Variants in TTC17 observed in about 807,000 individuals in gnomAD.
TTC17 encodes the protein tetratricopeptide repeat protein 17.
In TTC17, 58 loss-of-function variants were observed where a neutral mutation model predicts 143.8. The observed-to-expected ratio is 0.40, with a 90% confidence interval of 0.33 to 0.50. The LOEUF is 0.50. TTC17 is among the 20% of genes least tolerant of loss of function. The pLI is 0.49. For synonymous variants in TTC17, 501 were observed against 497.8 expected, an observed-to-expected ratio of 1.01 and a Z score of -0.09; for missense variants, 1,273 against 1,392.5, an observed-to-expected ratio of 0.91 and a Z score of 1.37.
chr11:43,491,825 A>G, intron 22 of TTC17, 195 bp from the exon 23 acceptor site: 1 of 629,008 alleles, frequency 1.6e-6, no homozygotes, highest in Non-Finnish European at 2.7e-6. Flanking sequence ...CCAATGAAAG[A>G]AGTAATTGAT....
chr11:43,398,197 T>C, intron 8 of TTC17, 84 bp downstream of exon 8: 1 of 1,515,084 alleles, frequency 6.6e-7, no homozygotes, highest in Admixed American at 2.0e-5. Context: ...AGTGTTAATT[T>C]GGTAACTGGA....
At chr11:43,363,718 A>G (rs1856209591) in intron 1 of TTC17, among the ~76,000 whole-genome samples, 1 of 152,242 alleles carries the variant, frequency 6.6e-6, no homozygotes, top group African/African-American at 2.4e-5. Context: ...AAGTCGTGTA[A>G]CTAATGTGTG....
intron 3 of TTC17, among the ~76,000 whole-genome samples, chr11:43,390,077 C>A (rs891078043): frequency 6.6e-6 from 1 of 152,098 alleles, no homozygotes. Flanking sequence ...GAGGCCAAGG[C>A]GGGAAGATTG....
chr11:43,400,098 A>G (rs1294221358), intron 9 of TTC17, 50 bp downstream of exon 9: 1 of 1,572,348 alleles, frequency 6.4e-7, no homozygotes, highest in South Asian at 1.2e-5. Flanking sequence ...ATTCACTTTT[A>G]GCATGCTTTA....
rs1271741362 is a variant in TTC17, at chr11:43,359,625, T to C, written c.159+512T>C. Among the ~76,000 whole-genome samples the C allele has an allele frequency of 2.0e-5, 3 of 152,156 alleles. No individual in the cohort carries two copies. In the East Asian group the frequency reaches 5.8e-4, roughly 29 times the overall value. On this transcript the variant is annotated intron_variant, in intron 1 of 23. Transcript: ENST00000039989. ...ACCACATGGTGGATTTCGTTTCTGG[T>C]TGTGTTGGTTTCAGCTTGTACCGTT...
intron 21 of TTC17, among the ~76,000 whole-genome samples, chr11:43,467,874 C>CAA (rs749942466): frequency 1.0e-4 from 13 of 128,980 alleles, no homozygotes; most frequent in Admixed American, 4.5e-4. Context: ...GGGACACATC[C>CAA]AAAAAAAAAA....
chr11:43,435,336 A>G (rs1332636399), intron 16 of TTC17: 2 of 152,212 alleles, frequency 1.3e-5, no homozygotes, highest in East Asian at 1.9e-4. Context: ...TCAGCTTGCC[A>G]GATCAGCTAG....
At chr11:43,400,099 G>A in intron 9 of TTC17, 51 bp downstream of exon 9, 1 of 1,571,340 alleles carries the variant, frequency 6.4e-7, no homozygotes, top group Non-Finnish European at 8.6e-7. Flanking sequence ...TTCACTTTTA[G>A]CATGCTTTAC....
intron 16 of TTC17, among the ~76,000 whole-genome samples, chr11:43,426,206 C>A (rs1947023996): frequency 6.6e-6 from 1 of 152,188 alleles, no homozygotes; most frequent in Admixed American, 6.5e-5. Flanking sequence ...AATCAATTCA[C>A]CACCCCTCTC....
In TTC17 at chr11:43,447,740, T is replaced by C. The variant is rs546202693; in HGVS notation, c.2666-262T>C. On this transcript the variant is annotated intron_variant, in intron 18 of 23. Transcript: ENST00000039989. The stretch of plus-strand genomic sequence containing the variant: ...CATTGAAGAATGCCTTAACCCCTTA[T>C]TTCATGTTGATCAATCTTAAATCTA... 4.0e-4 allele frequency: 141 copies of C among 348,538 alleles called. No homozygotes were observed. The South Asian group carries it at 0.011, about 27-fold the overall frequency. The allele number at this position is 348,538 out of a possible 1,614,324, so 21.6% of individuals were successfully genotyped here.
intron 16 of TTC17, among the ~76,000 whole-genome samples, chr11:43,415,596 C>T (rs1946761147): frequency 6.6e-6 from 1 of 152,082 alleles, no homozygotes; most frequent in South Asian, 2.1e-4. Context: ...AGCTCCTTCA[C>T]TTTTGATATT....
At chr11:43,443,641 T>G in intron 17 of TTC17, 57 bp downstream of exon 17, 1 of 1,547,730 alleles carries the variant, frequency 6.5e-7, no homozygotes, top group African/African-American at 1.4e-5. Flanking sequence ...CAGGGGATCC[T>G]AATATGCAAA....
chr11:43,429,382 G>C (rs550320416), intron 16 of TTC17, among the ~76,000 whole-genome samples: 1 of 152,178 alleles, frequency 6.6e-6, no homozygotes, highest in Non-Finnish European at 1.5e-5. Context: ...ACAACCTCTG[G>C]AGGTGAAAAT....
At position 43,406,639 on chromosome 11, in the gene TTC17, C is replaced by A. The variant is rs145139101; in HGVS notation, c.1762-499C>A. 2.5e-3 allele frequency among the ~76,000 whole-genome samples: 380 copies of A among 151,544 alleles called. 1 individual carries two copies. The highest frequency in any genetic ancestry group is 0.024 in the Middle Eastern group (7 of 292). The stretch of plus-strand genomic sequence containing the variant: ...TATATTCAATAGACATTTCCTTAGG[C>A]AAAAAACATTATGTGCCAGACATTG... On this transcript the variant is annotated intron_variant, in intron 13 of 23. Transcript: ENST00000039989.
At chr11:43,390,595 G>A (rs780360238) in intron 3 of TTC17, among the ~76,000 whole-genome samples, 6 of 148,624 alleles carry the variant, frequency 4.0e-5, no homozygotes, top group Non-Finnish European at 7.4e-5. Flanking sequence ...CAGCCTGGGC[G>A]ACAGAGCAAG....
At chr11:43,436,117 A>C (rs1277732284) in intron 16 of TTC17, 1 of 1,271,458 alleles carries the variant, frequency 7.9e-7, no homozygotes, top group East Asian at 2.9e-5. Context: ...GTAGTACTAC[A>C]CGAGAGATAT....
At position 43,379,331 on chromosome 11, in the gene TTC17, A is replaced by G. The variant is rs368158843; in HGVS notation, c.249+9A>G. 168 of 1,609,886 alleles carry G rather than the reference A, an allele frequency of 1.0e-4. No homozygotes were observed. The highest frequency in any genetic ancestry group is 3.3e-4 in the Middle Eastern group (2 of 6,074). ...ACCTCAAAGAATTAGAGGTGAGGCA[A>G]CTGGGCATGTGAGATGCAGCTGATG... On this transcript the variant is annotated intron_variant, in intron 2 of 23. Coordinates refer to ENST00000039989, the MANE Select transcript of TTC17 (RefSeq NM_018259.6).
In TTC17 at chr11:43,391,955, A is replaced by C; in HGVS notation, c.663+3A>C. On this transcript the variant is annotated splice_donor_region_variant and intron_variant, in intron 5 of 23. Transcript: ENST00000039989. Reference sequence around the variant, plus strand: ...TCATTCATGAAGGCCTACAGAAGGTAAGTCATCAGTCACTTAAAGAGCCAG... The same window carrying C: ...TCATTCATGAAGGCCTACAGAAGGTCAGTCATCAGTCACTTAAAGAGCCAG... The C allele has an allele frequency of 6.2e-7, 1 of 1,603,850 alleles. No individual in the cohort carries two copies. Among genetic ancestry groups the C allele is most frequent in the African/African-American group, 1.3e-5 (1 of 74,268 alleles).
intron 1 of TTC17, among the ~76,000 whole-genome samples, chr11:43,373,570 G>C (rs187648903): frequency 1.3e-5 from 2 of 152,016 alleles, no homozygotes; most frequent in South Asian, 4.1e-4. Flanking sequence ...TGATCCACCC[G>C]CCTCAGCTTC....
Sources: gnomAD v4.1 joint callset for allele counts (sites outside exome capture counted in the v4.1 genomes callset) on GRCh38, gnomAD v4.1.1 for gene constraint, MANE v1.5 for transcripts, NCBI Gene and HGNC (gene_info 2026-07-23, HGNC 2026-07-21) for gene names.